Variants in FHIT observed in about 807,000 individuals in gnomAD.
FHIT encodes bis(5'-adenosyl)-triphosphatase.
FHIT carries 19 observed loss-of-function variants against 17.9 expected under a neutral mutation model. That is an observed-to-expected ratio of 1.06 (90% confidence interval 0.74 to 1.56). FHIT has a LOEUF of 1.56. Ranked by LOEUF, FHIT falls within the 40% of genes most tolerant of loss-of-function variation. The pLI is 0.00. For missense variants in FHIT, 248 were observed against 189.2 expected (o/e 1.31, Z -1.82); for synonymous variants, 81 against 69.7 (o/e 1.16, Z -0.81).
chr3:60,421,143 G>T (rs1702450130), intron 5 of FHIT, among the ~76,000 whole-genome samples: 1 of 151,596 alleles, frequency 6.6e-6, no homozygotes, highest in Non-Finnish European at 1.5e-5. Flanking sequence ...ATTGCTCAGT[G>T]GTTTGGGACC....
chr3:59,931,172 T>G (rs551922107), intron 7 of FHIT, among the ~76,000 whole-genome samples: 28 of 152,328 alleles, frequency 1.8e-4, no homozygotes, highest in Admixed American at 5.2e-4. Flanking sequence ...TTACAGGACA[T>G]TAGTTTTAAA....
chr3:60,887,841 G>T (rs72889126), intron 3 of FHIT, among the ~76,000 whole-genome samples: 1,584 of 152,122 alleles, frequency 0.01, 32 homozygotes, highest in African/African-American at 0.035. Flanking sequence ...ATTTTAGCCT[G>T]TCTATAAGTA....
At position 61,135,464 on chromosome 3, in the gene FHIT, T is replaced by C. The variant is rs532463575; in HGVS notation, c.-164+65153A>G. Among the ~76,000 whole-genome samples the C allele has an allele frequency of 2.0e-5, 3 of 152,320 alleles. No individual in the cohort carries two copies. The East Asian group carries it at 5.8e-4, about 29-fold the overall frequency. On this transcript the variant is annotated intron_variant, in intron 2 of 9. Transcript: ENST00000492590. ...ATACTCATTAGTATTGTTGTTCCCA[T>C]TTTATAAAGGAAGGAACTGAGGCTT...
intron 5 of FHIT, among the ~76,000 whole-genome samples, chr3:60,201,623 A>G (rs1353773087): frequency 6.6e-6 from 1 of 152,164 alleles, no homozygotes; most frequent in Non-Finnish European, 1.5e-5. Flanking sequence ...TTTAAAACCA[A>G]TAATTAACCA....
At chr3:60,258,283 G>T (rs932200337) in intron 5 of FHIT, among the ~76,000 whole-genome samples, 1 of 152,184 alleles carries the variant, frequency 6.6e-6, no homozygotes, top group Middle Eastern at 3.4e-3. Flanking sequence ...TGTGCTCCCA[G>T]AAAACCAGAA....
chr3:60,070,561 T>C (rs1702722072), intron 5 of FHIT, among the ~76,000 whole-genome samples: 1 of 151,172 alleles, frequency 6.6e-6, no homozygotes, highest in Non-Finnish European at 1.5e-5. Flanking sequence ...CCCTGCTGGG[T>C]AGATTAGGGA....
chr3:60,882,592 C>T (rs1553758228), intron 3 of FHIT, among the ~76,000 whole-genome samples: 1 of 152,130 alleles, frequency 6.6e-6, no homozygotes, highest in Non-Finnish European at 1.5e-5. Context: ...TGATACTTCA[C>T]ATTAACAAAA....
intron 4 of FHIT, among the ~76,000 whole-genome samples, chr3:60,601,171 C>T (rs1185907494): frequency 1.3e-5 from 2 of 152,214 alleles, no homozygotes; most frequent in South Asian, 2.1e-4. Flanking sequence ...TTAATAGGAT[C>T]TCGGAAGATA....
chr3:60,716,236 C>A (rs1553706748), intron 4 of FHIT, among the ~76,000 whole-genome samples: 2 of 152,022 alleles, frequency 1.3e-5, no homozygotes, highest in African/African-American at 4.8e-5. Context: ...CAGAGTAAGA[C>A]TGTCTCAATA....
Position 60,107,345 on chromosome 3 carries a change from A to G in FHIT, c.104-93193T>C, listed in dbSNP as rs536853057. Among the ~76,000 whole-genome samples the G allele has an allele frequency of 3.3e-4, 50 of 152,230 alleles. 1 individual carries two copies. The South Asian group carries it at 1.0e-2, about 30-fold the overall frequency. On this transcript the variant is annotated intron_variant, in intron 5 of 9. Transcript: ENST00000492590. ...AAAACTAAAAAAAATTAAAATACAG[A>G]TATACAATTCATATTCTAATCTTAT...
chr3:59,764,017 A>G (rs983134128), intron 8 of FHIT, among the ~76,000 whole-genome samples: 5 of 152,154 alleles, frequency 3.3e-5, no homozygotes, highest in Admixed American at 1.3e-4. Context: ...AATAAATCCA[A>G]ACTCAGTGAG....
At chr3:59,980,840 C>T (rs1212210959) in intron 7 of FHIT, among the ~76,000 whole-genome samples, 3 of 152,232 alleles carry the variant, frequency 2.0e-5, no homozygotes, top group African/African-American at 7.2e-5. Context: ...TATAAGCCAC[C>T]CAGTTTGTGG....
chr3:60,900,835 T>G (rs1475803014), intron 3 of FHIT, among the ~76,000 whole-genome samples: 1 of 152,148 alleles, frequency 6.6e-6, no homozygotes, highest in Non-Finnish European at 1.5e-5. Context: ...TGGAGTGCAG[T>G]CGTGCGATCT....
At chr3:60,061,778 A>T (rs934226730) in intron 5 of FHIT, among the ~76,000 whole-genome samples, 2 of 152,208 alleles carry the variant, frequency 1.3e-5, no homozygotes, top group Admixed American at 1.3e-4. Flanking sequence ...TTTTCTTTCA[A>T]ATAAGGTGAA....
chr3:60,111,381 G>A (rs1281495712), intron 5 of FHIT, among the ~76,000 whole-genome samples: 1 of 152,034 alleles, frequency 6.6e-6, no homozygotes. Context: ...TTCACCCAAA[G>A]GTGCAGTTAA....
chr3:60,846,156 A>T (rs1702918314), intron 3 of FHIT, among the ~76,000 whole-genome samples: 1 of 152,194 alleles, frequency 6.6e-6, no homozygotes, highest in Non-Finnish European at 1.5e-5. Context: ...GAGCAACACT[A>T]CATAATACAG....
chr3:60,499,487 G>T (rs1311396310), intron 5 of FHIT, among the ~76,000 whole-genome samples: 1 of 152,026 alleles, frequency 6.6e-6, no homozygotes, highest in Non-Finnish European at 1.5e-5. Flanking sequence ...CTCCTCCCGG[G>T]TTCACGCGAC....
chr3:61,061,783 T>C (rs2034440140), intron 2 of FHIT, among the ~76,000 whole-genome samples: 1 of 152,190 alleles, frequency 6.6e-6, no homozygotes, highest in Admixed American at 6.5e-5. Flanking sequence ...TACACGTTAT[T>C]GCAAAACATG....
chr3:60,421,084 T>C (rs1702447733), intron 5 of FHIT, among the ~76,000 whole-genome samples: 1 of 151,884 alleles, frequency 6.6e-6, no homozygotes, highest in Non-Finnish European at 1.5e-5. Context: ...AAGACAGTTT[T>C]GATGAGATGG....
Sources: allele counts gnomAD v4.1 joint callset (sites outside exome capture counted in the v4.1 genomes callset), GRCh38; gene constraint gnomAD v4.1.1; transcripts MANE v1.5; gene names NCBI Gene and HGNC (gene_info 2026-07-23, HGNC 2026-07-21).